RRM2: variants seen among roughly 807,000 people sequenced by gnomAD.
RRM2 encodes the protein ribonucleoside-diphosphate reductase subunit M2.
RRM2 carries 6 observed loss-of-function variants against 45.9 expected under a neutral mutation model. The observed-to-expected ratio is 0.13, with a 90% CI of 0.07 to 0.26. The LOEUF (loss-of-function observed/expected upper bound fraction) is 0.26, where lower values mean the gene tolerates loss of function less well. RRM2 is among the 10% of genes least tolerant of loss of function. RRM2 has a pLI of 1.00. For synonymous variants in RRM2, 177 were observed against 173.0 expected (o/e 1.02, Z -0.18); for missense variants, 343 against 489.5 (o/e 0.70, Z 2.82).
At chr2:10,147,181 G>A (rs973517962) in intron 3 of RRM2, among the ~76,000 whole-genome samples, 3 of 152,050 alleles carry the variant, frequency 2.0e-5, no homozygotes, top group African/African-American at 7.2e-5. Flanking sequence ...TTGATCTCTC[G>A]ACCGCGTGAT....
At chr2:10,194,742 G>T (rs1333092642) in intron 3 of RRM2, among the ~76,000 whole-genome samples, 5 of 152,158 alleles carry the variant, frequency 3.3e-5, no homozygotes, top group African/African-American at 9.7e-5. Flanking sequence ...GGGGCTCTAC[G>T]GGGGCATCCA....
Position 10,141,946 on chromosome 2 carries a change from C to T in RRM2, n.353C>T, listed in dbSNP as rs762823723. The T allele has an allele frequency of 2.5e-6, 4 of 1,575,840 alleles. No individual in the cohort carries two copies. The South Asian group carries it at 4.6e-5, about 18-fold the overall frequency. On this transcript the variant is annotated non_coding_transcript_exon_variant, in exon 2 of 4. Coordinates refer to the RRM2 transcript ENST00000381786. The stretch of plus-strand genomic sequence containing the variant: ...GGGAGATGGAGACCAATCACCCACC[C>T]AGTGTGCGGTAAGTCAGACGGTGAC...
At chr2:10,210,280 G>T in intron 3 of RRM2, 1 of 1,349,052 alleles carries the variant, frequency 7.4e-7, no homozygotes, top group Non-Finnish European at 9.9e-7. Flanking sequence ...TCTTGGTTCA[G>T]TTACCAAATC....
chr2:10,209,057 C>CTTTCTTTCTTTCTTTCTTTCT (rs1048061514), intron 3 of RRM2, among the ~76,000 whole-genome samples: 56 of 102,486 alleles, frequency 5.5e-4, no homozygotes, highest in Non-Finnish European at 8.7e-4. Flanking sequence ...TTCTTTCTTT[C>CTTTCTTTCTTTCTTTCTTTCT]TTTTTTTTTT....
intron 3 of RRM2, among the ~76,000 whole-genome samples, chr2:10,157,892 C>T (rs564070592): frequency 6.6e-6 from 1 of 152,138 alleles, no homozygotes; most frequent in Non-Finnish European, 1.5e-5. Flanking sequence ...CATGGCGTAA[C>T]CTAGTAGAAT....
At position 10,169,761 on chromosome 2, in the gene RRM2, G is replaced by C. The variant is rs1360205058; in HGVS notation, n.482+27386G>C. 6.6e-6 allele frequency among the ~76,000 whole-genome samples: 1 copy of C among 152,192 alleles called. No homozygotes were observed. The highest frequency in any genetic ancestry group is 1.5e-5 in the Non-Finnish European group (1 of 68,028). ...CTGGCCTCCGCACTGGGCTTCCTGA[G>C]GACGGGAGCAGGAGCAGGAGGCTGA... On this transcript the variant is annotated intron_variant and non_coding_transcript_variant, in intron 3 of 3. Coordinates refer to the RRM2 transcript ENST00000381786. The surrounding 1 kb of genome is among the most constrained non-coding windows in gnomAD (Gnocchi z 5.1).
chr2:10,155,627 A>G (rs979830852), intron 3 of RRM2: 3 of 152,334 alleles, frequency 2.0e-5, no homozygotes, highest in Non-Finnish European at 4.4e-5. Flanking sequence ...CTTCTGTTCC[A>G]GTCCAGAATG....
rs144236765 is a variant in RRM2 at position 10,202,515 on chromosome 2, G to A, written n.483-7796G>A. Among the ~76,000 whole-genome samples, 46 of 152,336 alleles carry A rather than the reference G, an allele frequency of 3.0e-4. 1 individual carries two copies. In the East Asian group the frequency reaches 5.4e-3, roughly 18 times the overall value. ...GGGCACTCTCTCTTATAGACTAAGG[G>A]TATTTACGGGTTTAGGGAGGGAGAG... On this transcript the variant is annotated intron_variant and non_coding_transcript_variant, in intron 3 of 3. Transcript: ENST00000381786.
At chr2:10,144,204 G>A (rs1663143584) in intron 3 of RRM2, among the ~76,000 whole-genome samples, 1 of 152,238 alleles carries the variant, frequency 6.6e-6, no homozygotes, top group Non-Finnish European at 1.5e-5. Flanking sequence ...GGCCGGGTCT[G>A]GGGCTCTGTT....
At chr2:10,208,845 A>T (rs1572539970) in intron 3 of RRM2, among the ~76,000 whole-genome samples, 1 of 151,810 alleles carries the variant, frequency 6.6e-6, no homozygotes, top group Non-Finnish European at 1.5e-5. Context: ...CTCACGTATC[A>T]CCCTGGATGC....
At chr2:10,192,564 C>T (rs185770523) in intron 3 of RRM2, 52 of 154,778 alleles carry the variant, frequency 3.4e-4, no homozygotes, top group African/African-American at 1.2e-3. Flanking sequence ...GTAGCCCAAG[C>T]CTAAGTGGAA....
upstream of RRM2, among the ~76,000 whole-genome samples, chr2:10,137,456 CCT>C (rs371369198): frequency 7.6e-4 from 116 of 152,348 alleles, 1 homozygote; most frequent in Admixed American, 4.2e-3. Flanking sequence ...GGGAGGGTGA[CCT>C]CTGCTTTGCC....
chr2:10,141,999 G>A (rs1663093371), intron 2 of RRM2: 1 of 1,570,512 alleles, frequency 6.4e-7, no homozygotes, highest in Admixed American at 1.9e-5. Context: ...AAAGCAGGGA[G>A]GAAGGGGCGG....
At chr2:10,154,520 A>G (rs1310473615) in intron 3 of RRM2, among the ~76,000 whole-genome samples, 3 of 140,884 alleles carry the variant, frequency 2.1e-5, no homozygotes, top group African/African-American at 8.0e-5. Flanking sequence ...AAAAAAAATT[A>G]TCAGGCAGTA....
chr2:10,138,076 C>T (rs1241388094), upstream of RRM2, among the ~76,000 whole-genome samples: 1 of 152,158 alleles, frequency 6.6e-6, no homozygotes, highest in Non-Finnish European at 1.5e-5. Flanking sequence ...TCTCGGCTCA[C>T]TGCAACCTCT....
intron 3 of RRM2, among the ~76,000 whole-genome samples, chr2:10,152,199 C>T (rs1001294836): frequency 2.0e-5 from 3 of 152,116 alleles, no homozygotes; most frequent in African/African-American, 4.8e-5. Flanking sequence ...CCGCCTGCCT[C>T]GGCCTCCTAA....
chr2:10,158,211 C>T (rs759847728), intron 3 of RRM2, among the ~76,000 whole-genome samples: 1 of 152,164 alleles, frequency 6.6e-6, no homozygotes, highest in Admixed American at 6.5e-5. Context: ...TCCATTTTCC[C>T]ATGTACGAAA....
intron 3 of RRM2, among the ~76,000 whole-genome samples, chr2:10,168,350 G>A (rs1475103252): frequency 1.3e-5 from 2 of 151,846 alleles, no homozygotes; most frequent in Non-Finnish European, 2.9e-5. Flanking sequence ...TAGCGGGTTC[G>A]AGAGATCTCC....
chr2:10,174,133 G>A (rs574569891), intron 3 of RRM2, among the ~76,000 whole-genome samples: 3 of 152,332 alleles, frequency 2.0e-5, no homozygotes, highest in South Asian at 4.1e-4. Flanking sequence ...TCTCTGCCAC[G>A]TGAGGACATG....
Sources: allele counts gnomAD v4.1 joint callset (sites outside exome capture counted in the v4.1 genomes callset), GRCh38; gene constraint gnomAD v4.1.1; non-coding constraint Gnocchi (gnomAD v3.1); transcripts MANE v1.5; gene names NCBI Gene and HGNC (gene_info 2026-07-23, HGNC 2026-07-21).